The following ZNF260 variants were observed in gnomAD, a reference collection of about 807,000 sequenced individuals.
The protein encoded by ZNF260 is zinc finger protein 260, also known as zfp-260.
A neutral mutation model predicts 29.3 loss-of-function variants in ZNF260; 21 were observed. The ratio of observed to expected loss-of-function variants is 0.72; its 90% CI spans 0.51 to 1.03. The LOEUF (loss-of-function observed/expected upper bound fraction) is 1.03, where lower values mean the gene tolerates loss of function less well. Among genes scored for constraint, ZNF260 ranks in the 50% least tolerant of loss-of-function variants. The probability of loss-of-function intolerance (pLI) is 0.00; values close to 1 mark genes in which losing one functional copy is unlikely to be tolerated. For missense variants in ZNF260, 465 were observed against 487.8 expected, an observed-to-expected ratio of 0.95 and a Z score of 0.44; for synonymous variants, 156 against 156.8, an observed-to-expected ratio of 0.99 and a Z score of 0.04.
rs773789236 is a variant in ZNF260 at position 36,514,752 on chromosome 19, G to C, written c.487C>G (p.Pro163Ala). Residue 163 changes from proline to alanine, a missense_variant, in exon 3 of 3, where the codon CCA becomes GCA. Transcript: ENST00000523638. ...EHEKIHTGEK[P>A]FECNQCGRAF... ...CTTCCACACTGATTACATTCAAATG[G>C]TTTTTCTCCAGTATGAATTTTCTCA... 1 of 1,613,412 alleles carries C rather than the reference G, an allele frequency of 6.2e-7. No homozygotes were observed. Among genetic ancestry groups the C allele is most frequent in the Admixed American group, 1.7e-5 (1 of 59,988 alleles).
intron 2 of ZNF260, among the ~76,000 whole-genome samples, chr19:36,516,732 C>T (rs1249404408): frequency 1.3e-5 from 2 of 152,190 alleles, no homozygotes; most frequent in Non-Finnish European, 2.9e-5. Flanking sequence ...GCGCCCACCA[C>T]CATGCCCTGC....
chr19:36,518,848 C>T (rs2034594676), intron 2 of ZNF260, among the ~76,000 whole-genome samples: 1 of 152,088 alleles, frequency 6.6e-6, no homozygotes, highest in South Asian at 2.1e-4. Flanking sequence ...TTGAGACCGG[C>T]CTGTGCAACA....
At position 36,514,075 on chromosome 19, in the gene ZNF260, A is replaced by G. The variant is rs753568274; in HGVS notation, c.1164T>C (p.Tyr388=). Residue 388 remains tyrosine (Y), a synonymous_variant, in exon 3 of 3, where the codon TAT becomes TAC. Transcript: ENST00000523638. ...AAGCTTTCCCACATTCACTACACTG[A>G]TAAGGTTTTTCACCAGTATGGATTC... ...HMRIHTGEKP[Y]QCSECGKAFS... 2.9e-5 allele frequency: 47 copies of G among 1,613,990 alleles called. No individual in the cohort carries two copies. The highest frequency in any genetic ancestry group is 3.6e-5 in the Non-Finnish European group (42 of 1,179,994).
chr19:36,520,859 C>CAA (rs35180207), intron 2 of ZNF260, among the ~76,000 whole-genome samples: 17 of 65,846 alleles, frequency 2.6e-4, no homozygotes, highest in East Asian at 5.1e-4. Context: ...GATTCCGTCT[C>CAA]AAAAAAAAAA....
chr19:36,513,951 G>C lies in ZNF260; in HGVS notation c.*49C>G. ...TGAATTTTCCAATACACTATTAAGTGTAAAATCTGCTGAACGTTTTGCTAA... is the reference window on the plus strand; with the variant it reads ...TGAATTTTCCAATACACTATTAAGTCTAAAATCTGCTGAACGTTTTGCTAA... On this transcript the variant is annotated 3_prime_UTR_variant, in exon 3 of 3. Transcript: ENST00000523638. 6.4e-7 allele frequency: 1 copy of C among 1,564,296 alleles called. No homozygotes were observed. Among genetic ancestry groups the C allele is most frequent in the Non-Finnish European group, 8.7e-7 (1 of 1,153,074 alleles).
At position 36,511,036 on chromosome 19, in the gene ZNF260, C is replaced by A. The variant is rs1000190244; in HGVS notation, c.*2964G>T. On this transcript the variant is annotated 3_prime_UTR_variant, in exon 3 of 3. Transcript: ENST00000523638. ...GAAGAAGACAGTTTAGATTCATGTA[C>A]ACATACATATATTTTATTTGGGTAT... 6.6e-6 allele frequency: 1 copy of A among 152,120 alleles called. No homozygotes were observed. The highest frequency in any genetic ancestry group is 2.4e-5 in the African/African-American group (1 of 41,416). The allele number at this position is 152,120 out of a possible 1,614,324, so 9.4% of individuals were successfully genotyped here.
Position 36,514,693 on chromosome 19 carries a change from A to T in ZNF260, c.546T>A (p.His182Gln). The change falls in exon 3 of 3, where the codon CAT becomes CAA. Residue 182 changes from histidine to glutamine, a missense_variant. Coordinates refer to ENST00000523638, the MANE Select transcript of ZNF260 (RefSeq NM_001166037.2). ...GCTTCTTTCCAGTATGGATGTTCTG[A>T]TGTTTAATGAGGTATTGCTTCTGGC... ...AFSQKQYLIK[H>Q]QNIHTGKKPF... The T allele has an allele frequency of 6.2e-7, 1 of 1,613,894 alleles. No individual in the cohort carries two copies. Among genetic ancestry groups the T allele is most frequent in the Non-Finnish European group, 8.5e-7 (1 of 1,179,992 alleles).
intron 2 of ZNF260, among the ~76,000 whole-genome samples, chr19:36,524,534 T>TTTTTTTTTTA (rs1555779912): frequency 2.0e-4 from 25 of 126,052 alleles, no homozygotes; most frequent in African/African-American, 7.2e-4. Flanking sequence ...TTTTTTTTTT[T>TTTTTTTTTTA]ATTGATCATT....
chr19:36,523,442 C>T (rs896322056), intron 2 of ZNF260, among the ~76,000 whole-genome samples: 3 of 152,090 alleles, frequency 2.0e-5, no homozygotes, highest in Non-Finnish European at 4.4e-5. Flanking sequence ...CATTTAGAAG[C>T]ATACAGCAGA....
rs999234459 is a variant in ZNF260 at position 36,512,559 on chromosome 19, T to C, written c.*1441A>G. 1 of 152,212 alleles carries C rather than the reference T, an allele frequency of 6.6e-6. No homozygotes were observed. Among genetic ancestry groups the C allele is most frequent in the Non-Finnish European group, 1.5e-5 (1 of 68,026 alleles). The allele number at this position is 152,212 out of a possible 1,614,324, so 9.4% of individuals were successfully genotyped here. ...ACTCCACTTTTGGGAACTGAGTATA[T>C]ACATATCCTTTCAATCCATTCTTTA... is the stretch of plus-strand genomic sequence containing the variant. On this transcript the variant is annotated 3_prime_UTR_variant, in exon 3 of 3. Coordinates refer to ENST00000523638, the MANE Select transcript of ZNF260 (RefSeq NM_001166037.2).
rs1262456253 is a variant in ZNF260, at chr19:36,512,493, G to T, written c.*1507C>A. ...AAGTATCCTTTAACTACCATGCTTGGTAACATTTCCCTTCCACCTCCTTTC... is the reference window on the plus strand; with the variant it reads ...AAGTATCCTTTAACTACCATGCTTGTTAACATTTCCCTTCCACCTCCTTTC... On this transcript the variant is annotated 3_prime_UTR_variant, in exon 3 of 3. Coordinates refer to ENST00000523638, the MANE Select transcript of ZNF260 (RefSeq NM_001166037.2). 2.6e-5 allele frequency: 4 copies of T among 152,038 alleles called. No individual in the cohort carries two copies. The highest frequency in any genetic ancestry group is 9.7e-5 in the African/African-American group (4 of 41,402). 9.4% of individuals were successfully genotyped at this position (152,038 alleles called of 1,614,324 possible).
chr19:36,513,971 T>G lies in ZNF260; in HGVS notation c.*29A>C. Reference sequence around the variant, plus strand: ...TAAGTGTAAAATCTGCTGAACGTTTTGCTAAATCCAAGGCATTCATAGAGA... The same window carrying G: ...TAAGTGTAAAATCTGCTGAACGTTTGGCTAAATCCAAGGCATTCATAGAGA... On this transcript the variant is annotated 3_prime_UTR_variant, in exon 3 of 3. Transcript: ENST00000523638. 6.3e-7 allele frequency: 1 copy of G among 1,583,562 alleles called. No individual in the cohort carries two copies. The highest frequency in any genetic ancestry group is 1.8e-5 in the Admixed American group (1 of 55,392).
rs775824938 is a variant in ZNF260, at chr19:36,514,957, C to T, written c.282G>A (p.Gln94=). The change falls in exon 3 of 3, where the codon CAG becomes CAA. Residue 94 remains glutamine, a synonymous_variant. Transcript: ENST00000523638. ...TCTGATGAGAAAGGAAGTTTTCCTT[C>T]TGGCTGAAGGCTTTTCCACATTTAT... is the stretch of plus-strand genomic sequence containing the variant. ...KCNKCGKAFS[Q]KENFLSHQKH... 3 of 1,613,854 alleles carry T rather than the reference C, an allele frequency of 1.9e-6. No individual in the cohort carries two copies. The highest frequency in any genetic ancestry group is 1.7e-6 in the Non-Finnish European group (2 of 1,179,988).
intron 2 of ZNF260, among the ~76,000 whole-genome samples, chr19:36,520,815 G>A (rs867303892): frequency 1.1e-4 from 15 of 138,160 alleles, no homozygotes; most frequent in Admixed American, 4.8e-4. Context: ...AGCTGAGATC[G>A]CCCCACTGCA....
rs2034493069 is a variant in ZNF260, at chr19:36,513,880, A to G, written c.*120T>C. 1 of 1,129,952 alleles carries G rather than the reference A, an allele frequency of 8.8e-7. No homozygotes were observed. The highest frequency in any genetic ancestry group is 2.5e-5 in the Admixed American group (1 of 39,278). The allele number at this position is 1,129,952 out of a possible 1,614,324, so 70.0% of individuals were successfully genotyped here. A position where few individuals can be genotyped will look rare whatever the true frequency, so the allele number is the denominator to read the frequency against. ...AAACATCATAGTATTTAAGTTTTGA[A>G]TTGCTGCTGAAGGACTTCCCACATT... On this transcript the variant is annotated 3_prime_UTR_variant, in exon 3 of 3. Coordinates refer to ENST00000523638, the MANE Select transcript of ZNF260 (RefSeq NM_001166037.2).
chr19:36,515,909 T>C (rs965539100), intron 2 of ZNF260, among the ~76,000 whole-genome samples: 3 of 152,080 alleles, frequency 2.0e-5, no homozygotes, highest in African/African-American at 7.2e-5. Flanking sequence ...TTCGCTCTTG[T>C]TGCCCAGGCT....
Position 36,513,047 on chromosome 19 carries a change from T to C in ZNF260, c.*953A>G, listed in dbSNP as rs1231422280. On this transcript the variant is annotated 3_prime_UTR_variant, in exon 3 of 3. Coordinates refer to ENST00000523638, the MANE Select transcript of ZNF260 (RefSeq NM_001166037.2). Reference sequence around the variant, plus strand: ...AGAAAGATCATATTCACATAACTTTTATGATTACAGTATATTGTTATAATT... The same window carrying C: ...AGAAAGATCATATTCACATAACTTTCATGATTACAGTATATTGTTATAATT... 3 of 152,324 alleles carry C rather than the reference T, an allele frequency of 2.0e-5. No homozygotes were observed. The highest frequency in any genetic ancestry group is 7.2e-5 in the African/African-American group (3 of 41,584). The allele number at this position is 152,324 out of a possible 1,614,324, so 9.4% of individuals were successfully genotyped here.
intron 2 of ZNF260, among the ~76,000 whole-genome samples, chr19:36,523,215 C>A (rs1436278738): frequency 1.3e-5 from 2 of 152,212 alleles, no homozygotes; most frequent in African/African-American, 4.8e-5. Flanking sequence ...ACACTCTTTA[C>A]AACCTCGTAG....
intron 2 of ZNF260, among the ~76,000 whole-genome samples, chr19:36,517,873 G>T (rs2034578056): frequency 6.8e-6 from 1 of 146,364 alleles, no homozygotes; most frequent in African/African-American, 2.5e-5. Flanking sequence ...TCGCTCTGTT[G>T]CCCAGGCTGG....
Sources: gnomAD v4.1 joint callset for allele counts (sites outside exome capture counted in the v4.1 genomes callset) on GRCh38, gnomAD v4.1.1 for gene constraint, MANE v1.5 for transcripts, NCBI Gene and HGNC (gene_info 2026-07-23, HGNC 2026-07-21) for gene names.